The following OPN5 variants were observed in gnomAD, a reference collection of about 807,000 sequenced individuals.
OPN5 encodes opsin-5.
Under a neutral mutation model 41.7 loss-of-function variants are expected in OPN5, and 18 were observed. The observed-to-expected ratio is 0.43, with a 90% CI of 0.30 to 0.64. The LOEUF (loss-of-function observed/expected upper bound fraction) is 0.64, where lower values mean the gene tolerates loss of function less well. Among genes scored for constraint, OPN5 ranks in the 30% least tolerant of loss-of-function variants. The pLI, the probability that OPN5 is intolerant of heterozygous loss-of-function variation, is 0.13. For missense variants in OPN5, 318 were observed against 434.5 expected (o/e 0.73, Z 2.38); for synonymous variants, 178 against 164.3 (o/e 1.08, Z -0.64).
At chr6:47,810,616 T>C (rs1346784120) in intron 5 of OPN5, among the ~76,000 whole-genome samples, 1 of 152,166 alleles carries the variant, frequency 6.6e-6, no homozygotes, top group East Asian at 1.9e-4. Flanking sequence ...TATTTTGAAA[T>C]CAAATAATAA....
chr6:47,787,200 C>A (rs1166154648), intron 2 of OPN5: 10 of 976,584 alleles, frequency 1.0e-5, no homozygotes, highest in Admixed American at 6.2e-5. Flanking sequence ...ATGCAACTCA[C>A]AAAATATCAT....
At chr6:47,812,244 C>T (rs1429689286) in intron 6 of OPN5, among the ~76,000 whole-genome samples, 1 of 152,014 alleles carries the variant, frequency 6.6e-6, no homozygotes, top group Non-Finnish European at 1.5e-5. Context: ...ACAAAGGAGT[C>T]CTCTGGGGAA....
intron 6 of OPN5, among the ~76,000 whole-genome samples, chr6:47,815,444 C>G (rs1445791302): frequency 1.3e-5 from 2 of 152,030 alleles, no homozygotes; most frequent in African/African-American, 4.8e-5. Flanking sequence ...GATGAGTAGG[C>G]TGTTGCAGGG....
At chr6:47,816,632 A>G (rs1051966031) in intron 6 of OPN5, among the ~76,000 whole-genome samples, 1 of 152,094 alleles carries the variant, frequency 6.6e-6, no homozygotes, top group African/African-American at 2.4e-5. Context: ...GACACAGCAT[A>G]GAAGTTCAGA....
At chr6:47,808,104 G>T in intron 4 of OPN5, 50 bp from the exon 5 acceptor site, 1 of 1,603,930 alleles carries the variant, frequency 6.2e-7, no homozygotes, top group African/African-American at 1.3e-5. Flanking sequence ...TCAGACTCAT[G>T]TCCTTTATCA....
intron 6 of OPN5, among the ~76,000 whole-genome samples, chr6:47,819,303 G>A (rs73473760): frequency 0.072 from 7,955 of 110,620 alleles, 360 homozygotes; most frequent in African/African-American, 0.12. Context: ...TGACTTGCTG[G>A]TCAGAGATCT....
intron 6 of OPN5, among the ~76,000 whole-genome samples, chr6:47,819,400 A>ATATATATATATATATATATATAT (rs1762535695): frequency 7.6e-6 from 1 of 131,776 alleles, no homozygotes; most frequent in African/African-American, 2.7e-5. Flanking sequence ...ATATATATAT[A>ATATATATATATATATATATATAT]AAACAGTATA....
chr6:47,805,706 A>G (rs1339830527), intron 4 of OPN5, among the ~76,000 whole-genome samples: 2 of 152,168 alleles, frequency 1.3e-5, no homozygotes, highest in Non-Finnish European at 2.9e-5. Flanking sequence ...AAACACATCC[A>G]ATTAACTGTC....
chr6:47,815,657 G>T (rs1367190071), intron 6 of OPN5, among the ~76,000 whole-genome samples: 1 of 152,028 alleles, frequency 6.6e-6, no homozygotes, highest in African/African-American at 2.4e-5. Flanking sequence ...GTTAAAATGG[G>T]GCAAAAGGCA....
intron 5 of OPN5, among the ~76,000 whole-genome samples, chr6:47,811,054 C>T (rs1774178640): frequency 6.6e-6 from 1 of 152,180 alleles, no homozygotes; most frequent in Non-Finnish European, 1.5e-5. Context: ...GGCAGTACAG[C>T]TCATGGAGTC....
At chr6:47,793,378 A>G (rs2113959802) in intron 3 of OPN5, among the ~76,000 whole-genome samples, 1 of 152,188 alleles carries the variant, frequency 6.6e-6, no homozygotes, top group Non-Finnish European at 1.5e-5. Context: ...CTAAGGTTGA[A>G]CCTCAGTAGT....
intron 6 of OPN5, among the ~76,000 whole-genome samples, chr6:47,821,506 C>G (rs1176317906): frequency 6.6e-6 from 1 of 152,164 alleles, no homozygotes; most frequent in Non-Finnish European, 1.5e-5. Context: ...AGAAGTTGGG[C>G]AAGAGACGGA....
At chr6:47,815,540 A>T (rs1457090631) in intron 6 of OPN5, among the ~76,000 whole-genome samples, 1 of 152,154 alleles carries the variant, frequency 6.6e-6, no homozygotes, top group Non-Finnish European at 1.5e-5. Context: ...ATATGTCATT[A>T]AAGTAAAAAG....
chr6:47,789,406 GTTT>G (rs35576844), intron 2 of OPN5, among the ~76,000 whole-genome samples: 2 of 142,032 alleles, frequency 1.4e-5, no homozygotes, highest in Non-Finnish European at 3.1e-5. Flanking sequence ...AAATTTAGGT[GTTT>G]TTTTTTTTTG....
chr6:47,791,260 CA>C (rs1400128140), intron 2 of OPN5, among the ~76,000 whole-genome samples: 1 of 148,064 alleles, frequency 6.8e-6, no homozygotes, highest in Non-Finnish European at 1.5e-5. Context: ...CAGTAGATGC[CA>C]AAAAAGCATT....
At chr6:47,812,325 C>T (rs936577969) in intron 6 of OPN5, among the ~76,000 whole-genome samples, 6 of 152,146 alleles carry the variant, frequency 3.9e-5, no homozygotes, top group Admixed American at 2.0e-4. Context: ...ACAGTAATTT[C>T]CGCTGATGAT....
chr6:47,807,439 A>G (rs1023757047), intron 4 of OPN5, among the ~76,000 whole-genome samples: 2 of 152,232 alleles, frequency 1.3e-5, no homozygotes, highest in Non-Finnish European at 2.9e-5. Flanking sequence ...ACTGAATTGC[A>G]GATGGCAAGA....
chr6:47,797,562 T>A (rs1773617144), intron 4 of OPN5, among the ~76,000 whole-genome samples: 1 of 152,236 alleles, frequency 6.6e-6, no homozygotes, highest in Non-Finnish European at 1.5e-5. Flanking sequence ...GTACCAATGA[T>A]GAAAAATTTG....
intron 2 of OPN5, among the ~76,000 whole-genome samples, chr6:47,789,142 G>C (rs1230206847): frequency 1.3e-5 from 2 of 152,056 alleles, no homozygotes; most frequent in African/African-American, 2.4e-5. Flanking sequence ...GCTGCCTTTA[G>C]CACCCACCTG....
Sources: allele counts gnomAD v4.1 joint callset (sites outside exome capture counted in the v4.1 genomes callset), GRCh38; gene constraint gnomAD v4.1.1; transcripts MANE v1.5; gene names NCBI Gene and HGNC (gene_info 2026-07-23, HGNC 2026-07-21).